The following ADIPOR2 variants were observed in gnomAD, a reference collection of about 807,000 sequenced individuals.
ADIPOR2 encodes adiponectin receptor protein 2.
In ADIPOR2, 18 loss-of-function variants were observed where a neutral mutation model predicts 40.9. The observed-to-expected ratio is 0.44, with a 90% CI of 0.30 to 0.65. ADIPOR2 has a LOEUF of 0.65. ADIPOR2 is among the 30% of genes least tolerant of loss of function. The probability of loss-of-function intolerance (pLI) is 0.09; values close to 1 mark genes in which losing one functional copy is unlikely to be tolerated. For synonymous variants in ADIPOR2, 165 were observed against 166.4 expected, an observed-to-expected ratio of 0.99 and a Z score of 0.06; for missense variants, 283 against 479.2, an observed-to-expected ratio of 0.59 and a Z score of 3.82.
chr12:1,769,279 C>G (rs1358452484), intron 2 of ADIPOR2, among the ~76,000 whole-genome samples: 1 of 152,070 alleles, frequency 6.6e-6, no homozygotes, highest in African/African-American at 2.4e-5. Context: ...ATTTTTTTAT[C>G]CTGTTTTAGC....
intron 2 of ADIPOR2, chr12:1,758,115 GTAATAC>G: frequency 1.9e-6 from 1 of 512,880 alleles, no homozygotes; most frequent in South Asian, 2.7e-5. Flanking sequence ...TTTATGTGTT[GTAATAC>G]TATATATTTT....
At chr12:1,716,877 T>A (rs2094688707) in intron 1 of ADIPOR2, among the ~76,000 whole-genome samples, 1 of 152,244 alleles carries the variant, frequency 6.6e-6, no homozygotes, top group African/African-American at 2.4e-5. Flanking sequence ...ACTTATTTGA[T>A]TTTTTGCCAA....
intron 1 of ADIPOR2, among the ~76,000 whole-genome samples, chr12:1,726,445 G>A (rs1436788062): frequency 6.6e-6 from 1 of 152,138 alleles, no homozygotes; most frequent in African/African-American, 2.4e-5. Flanking sequence ...TTATCTGCCT[G>A]TGTTGGCCTC....
intron 6 of ADIPOR2, among the ~76,000 whole-genome samples, chr12:1,783,066 C>T (rs1862755633): frequency 7.0e-6 from 1 of 143,008 alleles, no homozygotes; most frequent in African/African-American, 2.7e-5. Context: ...CTCCTGACCT[C>T]AAGTGATCTG....
At chr12:1,712,430 A>G (rs889140983) in intron 1 of ADIPOR2, among the ~76,000 whole-genome samples, 1 of 152,090 alleles carries the variant, frequency 6.6e-6, no homozygotes, top group African/African-American at 2.4e-5. Context: ...TATTATTTTG[A>G]TAGCCTCTGA....
chr12:1,695,826 G>A (rs967024187), intron 1 of ADIPOR2: 1 of 151,832 alleles, frequency 6.6e-6, no homozygotes, highest in Admixed American at 6.6e-5. Flanking sequence ...GGCTGGCTTG[G>A]ATGTTACTTT....
In ADIPOR2 at chr12:1,719,983, C is replaced by T. The variant is rs189369778; in HGVS notation, c.-87+28792C>T. Reference sequence around the variant, plus strand: ...TGAGCCACCGTGTCTGTCCTCTTTTCATCCCAGACCATGCTTGGTGTTGTG... The same window carrying T: ...TGAGCCACCGTGTCTGTCCTCTTTTTATCCCAGACCATGCTTGGTGTTGTG... On this transcript the variant is annotated intron_variant, in intron 1 of 7. Transcript: ENST00000357103. Among the ~76,000 whole-genome samples, 19 of 152,194 alleles carry T rather than the reference C, an allele frequency of 1.2e-4. No individual in the cohort carries two copies. In the East Asian group the frequency reaches 3.5e-3, roughly 28 times the overall value.
chr12:1,786,186 G>C lies in ADIPOR2; in HGVS notation c.*114G>C. The C allele has an allele frequency of 7.1e-7, 1 of 1,415,156 alleles. No individual in the cohort carries two copies. Among genetic ancestry groups the C allele is most frequent in the Non-Finnish European group, 9.5e-7 (1 of 1,047,524 alleles). 87.7% of individuals were successfully genotyped at this position (1,415,156 alleles called of 1,614,324 possible). On this transcript the variant is annotated 3_prime_UTR_variant, in exon 8 of 8. Coordinates refer to ENST00000357103, the MANE Select transcript of ADIPOR2 (RefSeq NM_024551.3). ...GGAGCCCCAAAACTTTGACAGCCTCGTGGGCTTTGTGACGGCCCAGTGGCT... is the reference window on the plus strand; with the variant it reads ...GGAGCCCCAAAACTTTGACAGCCTCCTGGGCTTTGTGACGGCCCAGTGGCT...
chr12:1,780,869 A>T lies in ADIPOR2; in HGVS notation c.651-20A>T, dbSNP rs1862704369. ...GTTTTTAAATTACTGCATTAAATGG[A>T]TTTTTTTTTTCTGTCATAGACTGGA... On this transcript the variant is annotated intron_variant, in intron 5 of 7. Transcript: ENST00000357103. 6.8e-7 allele frequency: 1 copy of T among 1,478,416 alleles called. No individual in the cohort carries two copies. Among genetic ancestry groups the T allele is most frequent in the Admixed American group, 2.1e-5 (1 of 47,044 alleles). 91.6% of individuals were successfully genotyped at this position (1,478,416 alleles called of 1,614,324 possible). A position where few individuals can be genotyped will look rare whatever the true frequency, so the allele number is the denominator to read the frequency against.
chr12:1,699,914 C>T (rs11061929), intron 1 of ADIPOR2, among the ~76,000 whole-genome samples: 6,538 of 152,098 alleles, frequency 0.043, 238 homozygotes, highest in East Asian at 0.18. Flanking sequence ...TATATGTTGG[C>T]CAATGATATT....
At chr12:1,747,039 A>T (rs1348009775) in intron 1 of ADIPOR2, among the ~76,000 whole-genome samples, 9 of 139,964 alleles carry the variant, frequency 6.4e-5, no homozygotes, top group Non-Finnish European at 1.1e-4. Flanking sequence ...TGTCTCCCCC[A>T]CTAACTCCAC....
intron 1 of ADIPOR2, among the ~76,000 whole-genome samples, chr12:1,742,203 C>T (rs1324115407): frequency 1.3e-5 from 2 of 152,126 alleles, no homozygotes; most frequent in Non-Finnish European, 2.9e-5. Context: ...AGCGATCCTC[C>T]CACCTCAGTG....
intron 1 of ADIPOR2, among the ~76,000 whole-genome samples, chr12:1,745,065 T>C (rs1486242856): frequency 1.3e-5 from 2 of 152,126 alleles, no homozygotes; most frequent in Non-Finnish European, 2.9e-5. Flanking sequence ...TGATTTCCCA[T>C]TGAAACCCTA....
chr12:1,716,295 T>C (rs1285452688), intron 1 of ADIPOR2, among the ~76,000 whole-genome samples: 1 of 152,234 alleles, frequency 6.6e-6, no homozygotes, highest in Non-Finnish European at 1.5e-5. Flanking sequence ...AAATTGAAGA[T>C]GGTTTATTGC....
chr12:1,776,110 G>A (rs1057450524), intron 3 of ADIPOR2, among the ~76,000 whole-genome samples: 2 of 152,080 alleles, frequency 1.3e-5, no homozygotes, highest in Non-Finnish European at 2.9e-5. Flanking sequence ...AAGAGGCAGG[G>A]GGCTAGTTTG....
chr12:1,777,362 T>TA (rs1304577283), intron 3 of ADIPOR2, among the ~76,000 whole-genome samples: 1 of 150,770 alleles, frequency 6.6e-6, no homozygotes, highest in African/African-American at 2.4e-5. Context: ...GGCCCCCACT[T>TA]AAAAGTATAT....
chr12:1,770,344 T>C (rs751361692), intron 2 of ADIPOR2, among the ~76,000 whole-genome samples: 8 of 152,254 alleles, frequency 5.3e-5, no homozygotes, highest in Non-Finnish European at 1.2e-4. Flanking sequence ...TTTATGTACA[T>C]ATCTGTAGTT....
chr12:1,743,245 A>C (rs1416190378), intron 1 of ADIPOR2, among the ~76,000 whole-genome samples: 6 of 135,648 alleles, frequency 4.4e-5, no homozygotes, highest in East Asian at 2.1e-4. Flanking sequence ...AAAAAAAAAA[A>C]ACAAAGCAGT....
At chr12:1,754,689 A>G (rs1258453323) in intron 2 of ADIPOR2, among the ~76,000 whole-genome samples, 175 bp downstream of exon 2, 2 of 66,374 alleles carry the variant, frequency 3.0e-5, no homozygotes, top group Admixed American at 2.1e-4. Context: ...TCTTATCTTT[A>G]TTATTATTAT....
Sources: gnomAD v4.1 joint callset for allele counts (sites outside exome capture counted in the v4.1 genomes callset) on GRCh38, gnomAD v4.1.1 for gene constraint, MANE v1.5 for transcripts, NCBI Gene and HGNC (gene_info 2026-07-23, HGNC 2026-07-21) for gene names.